The following KBTBD2 variants were observed in gnomAD, a reference collection of about 807,000 sequenced individuals.
KBTBD2 encodes the protein kelch repeat and BTB domain containing 2.
Under a neutral mutation model 57.1 loss-of-function variants are expected in KBTBD2, and 17 were observed. That is an observed-to-expected ratio of 0.30 (90% CI 0.20 to 0.45). The LOEUF (loss-of-function observed/expected upper bound fraction) is 0.45. KBTBD2 is among the 20% of genes least tolerant of loss of function. The pLI, the probability that KBTBD2 is intolerant of heterozygous loss-of-function variation, is 1.00. For missense variants in KBTBD2, 515 were observed against 750.6 expected (o/e 0.69, Z 3.67); for synonymous variants, 267 against 262.7 (o/e 1.02, Z -0.16).
chr7:32,869,611 CACAT>C lies in KBTBD2; in HGVS notation c.1602_1605del (p.Val536LeufsTer7). The C allele has an allele frequency of 6.2e-7, 1 of 1,614,136 alleles. No individual in the cohort carries two copies. The highest frequency in any genetic ancestry group is 8.5e-7 in the Non-Finnish European group (1 of 1,180,024). Reference sequence around the variant, plus strand: ...TTTAAGTGGGTTTCTCGCATAAACACACATAGAGAATTTGAGATCACAACAGCTC... The same window carrying C: ...TTTAAGTGGGTTTCTCGCATAAACACAGAGAATTTGAGATCACAACAGCTC... On this transcript the variant is annotated frameshift_variant, in exon 4 of 4. Transcript: ENST00000304056. LOFTEE classifies it high-confidence loss of function.
intron 1 of KBTBD2, among the ~76,000 whole-genome samples, chr7:32,887,649 G>T (rs976726682): frequency 2.6e-5 from 4 of 152,194 alleles, no homozygotes; most frequent in African/African-American, 9.7e-5. Context: ...AGGGAGTGCT[G>T]CATCTCCCAA....
rs1784134960 is a variant in KBTBD2, at chr7:32,870,030, C to T, written c.1187G>A (p.Arg396Gln). Reference sequence around the variant, plus strand: ...AGTGTCGTATCTTTCTACGGTCCTCCGATTAAGTTCTCCACCTACGCTATC... The same window carrying T: ...AGTGTCGTATCTTTCTACGGTCCTCTGATTAAGTTCTCCACCTACGCTATC... ...GGDSVGGELN[R>Q]RTVERYDTEK... Residue 396 changes from arginine to glutamine, a missense_variant, in exon 4 of 4, where the codon CGG becomes CAG. Arg to Gln is a conservative substitution (Grantham distance 43, BLOSUM62 1). Coordinates refer to ENST00000304056, the MANE Select transcript of KBTBD2 (RefSeq NM_015483.3). The T allele has an allele frequency of 1.9e-6, 3 of 1,614,096 alleles. No homozygotes were observed. The highest frequency in any genetic ancestry group is 2.5e-6 in the Non-Finnish European group (3 of 1,180,020).
Position 32,869,472 on chromosome 7 carries a change from G to T in KBTBD2, c.1745C>A (p.Thr582Asn). Residue 582 changes from threonine (T) to asparagine (N), a missense_variant, in exon 4 of 4, where the codon ACT (threonine) becomes AAT (asparagine). By Grantham distance (65) the Thr-to-Asn change is moderately conservative (BLOSUM62 0). Coordinates refer to ENST00000304056, the MANE Select transcript of KBTBD2 (RefSeq NM_015483.3). ...GCAGGATGGATAGAGTTTCCCCACA[G>T]TGCATCGAAAATCTCTCCCCAAGTC... is the stretch of plus-strand genomic sequence containing the variant. Reference protein sequence around the residue: ...LWDLGRDFRCTVGKLYPSCLE... With the variant: ...LWDLGRDFRCNVGKLYPSCLE... 2 of 1,614,092 alleles carry T rather than the reference G, an allele frequency of 1.2e-6. No individual in the cohort carries two copies. The highest frequency in any genetic ancestry group is 1.7e-6 in the Non-Finnish European group (2 of 1,179,992).
At chr7:32,881,676 G>T (rs1464672104) in intron 1 of KBTBD2, among the ~76,000 whole-genome samples, 1 of 152,214 alleles carries the variant, frequency 6.6e-6, no homozygotes, top group Non-Finnish European at 1.5e-5. Flanking sequence ...AGAACAGCAT[G>T]TCACACTATA....
chr7:32,875,968 T>C (rs1332494623), intron 2 of KBTBD2, among the ~76,000 whole-genome samples: 1 of 152,200 alleles, frequency 6.6e-6, no homozygotes. Flanking sequence ...TGTGTAACTG[T>C]AAATATACTA....
In KBTBD2 at chr7:32,869,440, C is replaced by T; in HGVS notation, c.1777G>A (p.Glu593Lys). 1 of 1,614,104 alleles carries T rather than the reference C, an allele frequency of 6.2e-7. No homozygotes were observed. The part of the protein sequence containing the change: ...VGKLYPSCLE[E>K]SPWKPPTYLF... ...TAAGTTGGTGGTTTCCATGGAGACTCTTCAAGGCAGGATGGATAGAGTTTC... is the reference window on the plus strand; with the variant it reads ...TAAGTTGGTGGTTTCCATGGAGACTTTTCAAGGCAGGATGGATAGAGTTTC... The change falls in exon 4 of 4, where the codon GAG (glutamate) becomes AAG (lysine). Residue 593 changes from glutamate to lysine, a missense_variant. Physicochemically the swap from Glu to Lys is moderately conservative, Grantham distance 56. Transcript: ENST00000304056.
rs369676553 is a variant in KBTBD2, at chr7:32,880,832, G to C, written c.-338-890C>G. 9.9e-5 allele frequency among the ~76,000 whole-genome samples: 15 copies of C among 152,284 alleles called. No individual in the cohort carries two copies. In the East Asian group the frequency reaches 2.5e-3, roughly 25 times the overall value. On this transcript the variant is annotated intron_variant, in intron 1 of 3. Transcript: ENST00000304056. The stretch of plus-strand genomic sequence containing the variant: ...AACCAGAGATGACTGGCCGGGCACA[G>C]TGGCTCATGCCTGTAATCCCAGCAC...
At chr7:32,875,780 G>T (rs1221114620) in intron 2 of KBTBD2, among the ~76,000 whole-genome samples, 1 of 152,050 alleles carries the variant, frequency 6.6e-6, no homozygotes, top group Non-Finnish European at 1.5e-5. Context: ...CTCAGTGAAA[G>T]AAGCCACACA....
chr7:32,871,813 C>A (rs1306078447), intron 3 of KBTBD2, among the ~76,000 whole-genome samples: 1 of 148,444 alleles, frequency 6.7e-6, no homozygotes, highest in African/African-American at 2.6e-5. Context: ...TATTGGTAGT[C>A]ATAGAATGCC....
intron 1 of KBTBD2, among the ~76,000 whole-genome samples, chr7:32,885,876 C>A (rs1221942068): frequency 2.0e-5 from 3 of 149,606 alleles, no homozygotes. Flanking sequence ...ATGTTATACA[C>A]AGGATGAAAT....
At chr7:32,875,273 A>C (rs1206336529) in intron 2 of KBTBD2, 116 bp from the exon 3 acceptor site, 1 of 981,646 alleles carries the variant, frequency 1.0e-6, no homozygotes. Flanking sequence ...CTTATAAGAG[A>C]AACTTTTTCT....
intron 3 of KBTBD2, among the ~76,000 whole-genome samples, chr7:32,873,168 T>C (rs899980420): frequency 3.9e-5 from 6 of 152,166 alleles, no homozygotes; most frequent in Non-Finnish European, 7.3e-5. Flanking sequence ...AAAACTCTTA[T>C]ATTCCTCTTA....
chr7:32,869,063 A>C lies in KBTBD2; in HGVS notation c.*282T>G, dbSNP rs1784098282. 2 of 302,288 alleles carry C rather than the reference A, an allele frequency of 6.6e-6. No individual in the cohort carries two copies. The highest frequency in any genetic ancestry group is 4.3e-5 in the African/African-American group (2 of 46,454). The allele number at this position is 302,288 out of a possible 1,614,324, so 18.7% of individuals were successfully genotyped here. ...AATGAACTTTTTGAACTGTACATAC[A>C]CAGGGCTAACAATGTTAGATAATCC... On this transcript the variant is annotated 3_prime_UTR_variant, in exon 4 of 4. Transcript: ENST00000304056.
chr7:32,885,449 G>T (rs917292861), intron 1 of KBTBD2, among the ~76,000 whole-genome samples: 1 of 139,238 alleles, frequency 7.2e-6, no homozygotes, highest in African/African-American at 2.8e-5. Context: ...TTCTTATCTA[G>T]TGTGAGTACC....
At chr7:32,886,885 A>G (rs1784593323) in intron 1 of KBTBD2, among the ~76,000 whole-genome samples, 1 of 152,126 alleles carries the variant, frequency 6.6e-6, no homozygotes, top group African/African-American at 2.4e-5. Context: ...GATTAAAAGT[A>G]TGAAATGTTG....
chr7:32,875,249 AT>A, intron 2 of KBTBD2, 92 bp from the exon 3 acceptor site: 1 of 1,127,144 alleles, frequency 8.9e-7, no homozygotes, highest in Non-Finnish European at 1.3e-6. Flanking sequence ...AGAGGTGTTT[AT>A]TTAGGGTATT....
At chr7:32,888,889 T>TA (rs907425084) in intron 1 of KBTBD2, among the ~76,000 whole-genome samples, 1 of 152,188 alleles carries the variant, frequency 6.6e-6, no homozygotes, top group Non-Finnish European at 1.5e-5. Context: ...ATCTCAGTTT[T>TA]AAAAAATTAA....
intron 1 of KBTBD2, among the ~76,000 whole-genome samples, chr7:32,883,542 T>C (rs952034337): frequency 1.5e-5 from 2 of 135,996 alleles, no homozygotes; most frequent in Non-Finnish European, 3.5e-5. Context: ...ATTCAGTATG[T>C]ACTATATTAA....
At chr7:32,870,950 CG>C in intron 3 of KBTBD2, 70 bp from the exon 4 acceptor site, 1 of 884,480 alleles carries the variant, frequency 1.1e-6, no homozygotes, top group Non-Finnish European at 1.7e-6. Flanking sequence ...TTATGTAAGA[CG>C]TAAGTATATT....
Sources: gnomAD v4.1 joint callset for allele counts (sites outside exome capture counted in the v4.1 genomes callset) on GRCh38, gnomAD v4.1.1 for gene constraint, MANE v1.5 for transcripts, NCBI Gene and HGNC (gene_info 2026-07-23, HGNC 2026-07-21) for gene names.